Variants in LRRC4C observed in about 807,000 individuals in gnomAD.
The protein encoded by LRRC4C is leucine-rich repeat-containing protein 4C.
Under a neutral mutation model 33.6 loss-of-function variants are expected in LRRC4C, and 5 were observed. The ratio of observed to expected loss-of-function variants is 0.15; its 90% CI spans 0.08 to 0.31. The LOEUF (loss-of-function observed/expected upper bound fraction) is 0.31, where lower values mean the gene tolerates loss of function less well. Ranked by LOEUF, LRRC4C falls within the 10% of genes least tolerant of loss-of-function variation. The probability of loss-of-function intolerance (pLI) is 1.00; values close to 1 mark genes in which losing one functional copy is unlikely to be tolerated. For missense variants in LRRC4C, 560 were observed against 796.7 expected (o/e 0.70, Z 3.58); for synonymous variants, 329 against 302.0 (o/e 1.09, Z -0.93).
chr11:40,276,674 A>AGTGTGT (rs56155922), intron 4 of LRRC4C, among the ~76,000 whole-genome samples: 4,179 of 127,586 alleles, frequency 0.033, 99 homozygotes, highest in East Asian at 0.061. Flanking sequence ...GTGGGAAACA[A>AGTGTGT]GTGTGTGTGT....
chr11:41,218,139 CAA>C (rs57736277), intron 1 of LRRC4C, among the ~76,000 whole-genome samples: 533 of 142,704 alleles, frequency 3.7e-3, no homozygotes, highest in Admixed American at 5.6e-3. Flanking sequence ...TCAAGGTCAC[CAA>C]AAAAAAAAAA....
At chr11:40,968,553 C>G (rs1479327512) in intron 1 of LRRC4C, among the ~76,000 whole-genome samples, 1 of 152,078 alleles carries the variant, frequency 6.6e-6, no homozygotes, top group African/African-American at 2.4e-5. Context: ...CAGTCTGACT[C>G]TCCTATTAGG....
chr11:40,691,065 G>T (rs541497968), intron 2 of LRRC4C, among the ~76,000 whole-genome samples: 1 of 151,974 alleles, frequency 6.6e-6, no homozygotes, highest in Non-Finnish European at 1.5e-5. Flanking sequence ...AGGTCCCCTC[G>T]ACCATGTGCA....
At chr11:40,760,910 T>A (rs886442160) in intron 2 of LRRC4C, among the ~76,000 whole-genome samples, 19 of 147,430 alleles carry the variant, frequency 1.3e-4, no homozygotes, top group South Asian at 6.3e-4. Context: ...TATTATATAT[T>A]TTTTTTGTAA....
intron 1 of LRRC4C, among the ~76,000 whole-genome samples, chr11:41,283,284 G>A (rs539945691): frequency 1.2e-4 from 18 of 152,208 alleles, no homozygotes; most frequent in Admixed American, 7.2e-4. Flanking sequence ...ATTCATGTAC[G>A]AAAATATTCA....
chr11:41,049,809 C>G (rs1766121685), intron 1 of LRRC4C, among the ~76,000 whole-genome samples: 1 of 152,168 alleles, frequency 6.6e-6, no homozygotes, highest in Non-Finnish European at 1.5e-5. Context: ...GGCATGTTGG[C>G]TTACATGTAC....
intron 3 of LRRC4C, among the ~76,000 whole-genome samples, chr11:40,376,689 G>C (rs1040451053): frequency 6.6e-6 from 1 of 151,888 alleles, no homozygotes; most frequent in Non-Finnish European, 1.5e-5. Context: ...GACAAAACCA[G>C]GGACAGTGTA....
chr11:41,165,059 C>T (rs1266146179), intron 1 of LRRC4C, among the ~76,000 whole-genome samples: 1 of 152,136 alleles, frequency 6.6e-6, no homozygotes, highest in African/African-American at 2.4e-5. Context: ...CTTAGTGCAA[C>T]GTGACGTTTT....
chr11:41,148,620 G>C (rs1157706828), intron 1 of LRRC4C, among the ~76,000 whole-genome samples: 1 of 151,912 alleles, frequency 6.6e-6, no homozygotes, highest in Non-Finnish European at 1.5e-5. Flanking sequence ...AACACCATTG[G>C]TAAACTACCC....
At chr11:40,553,116 C>CA (rs1307431998) in intron 3 of LRRC4C, among the ~76,000 whole-genome samples, 11 of 152,038 alleles carry the variant, frequency 7.2e-5, no homozygotes, top group Middle Eastern at 6.8e-3. Flanking sequence ...ACTAAAAATA[C>CA]AAAAAATTAG....
intron 1 of LRRC4C, among the ~76,000 whole-genome samples, chr11:41,188,358 AATACAT>A (rs1232489049): frequency 6.6e-6 from 1 of 152,138 alleles, no homozygotes; most frequent in Non-Finnish European, 1.5e-5. Context: ...ACTCTTCAAT[AATACAT>A]GTTGAGATGA....
intron 1 of LRRC4C, among the ~76,000 whole-genome samples, chr11:41,299,199 T>C (rs1056815045): frequency 1.3e-5 from 2 of 152,110 alleles, no homozygotes; most frequent in African/African-American, 4.8e-5. Context: ...ACTTGAGAAA[T>C]CTTCACACTG....
intron 2 of LRRC4C, among the ~76,000 whole-genome samples, chr11:40,719,905 T>C (rs1407500281): frequency 3.3e-5 from 5 of 151,560 alleles, no homozygotes; most frequent in Admixed American, 6.6e-5. Context: ...AAAATTTCTT[T>C]CTGAAAACTA....
intron 1 of LRRC4C, among the ~76,000 whole-genome samples, chr11:40,935,694 C>T (rs1012636563): frequency 6.6e-6 from 1 of 151,874 alleles, no homozygotes; most frequent in Non-Finnish European, 1.5e-5. Flanking sequence ...ATGAAATTGC[C>T]TAATGACACA....
At chr11:40,257,545 C>T (rs896781743) in intron 4 of LRRC4C, among the ~76,000 whole-genome samples, 7 of 152,098 alleles carry the variant, frequency 4.6e-5, no homozygotes, top group Non-Finnish European at 1.0e-4. Flanking sequence ...GATGCAGCCC[C>T]GAAGAGTCAT....
At chr11:41,203,447 A>AT (rs902596248) in intron 1 of LRRC4C, among the ~76,000 whole-genome samples, 1 of 152,130 alleles carries the variant, frequency 6.6e-6, no homozygotes, top group Non-Finnish European at 1.5e-5. Flanking sequence ...AGAGGAAGCA[A>AT]TTTTTTTCTA....
chr11:41,085,944 A>G (rs1220695088), intron 1 of LRRC4C, among the ~76,000 whole-genome samples: 2 of 150,634 alleles, frequency 1.3e-5, no homozygotes, highest in Admixed American at 6.6e-5. Context: ...AAAAAAAAAA[A>G]AAAAAAAAGA....
chr11:40,253,926 T>C (rs1275042019), intron 4 of LRRC4C, among the ~76,000 whole-genome samples: 5 of 152,244 alleles, frequency 3.3e-5, no homozygotes, highest in South Asian at 4.1e-4. Context: ...ATTCACATTA[T>C]ATAAGTTTTT....
chr11:40,529,316 A>G (rs1228237450), intron 3 of LRRC4C, among the ~76,000 whole-genome samples: 2 of 152,098 alleles, frequency 1.3e-5, no homozygotes, highest in African/African-American at 2.4e-5. Flanking sequence ...ATTGTATATT[A>G]TATTCTATAT....
Sources: allele counts gnomAD v4.1 joint callset (sites outside exome capture counted in the v4.1 genomes callset), GRCh38; gene constraint gnomAD v4.1.1; transcripts MANE v1.5; gene names NCBI Gene and HGNC (gene_info 2026-07-23, HGNC 2026-07-21).